The following RBFOX3 variants were observed in gnomAD, a reference collection of about 807,000 sequenced individuals.
The protein encoded by RBFOX3 is RNA binding protein fox-1 homolog 3.
RBFOX3 carries 17 observed loss-of-function variants against 48.7 expected under a neutral mutation model. That is an observed-to-expected ratio of 0.35 (90% confidence interval 0.24 to 0.52). The LOEUF is 0.52. Among genes scored for constraint, RBFOX3 ranks in the 20% least tolerant of loss-of-function variants. RBFOX3 has a pLI of 0.94. For synonymous variants in RBFOX3, 212 were observed against 209.5 expected, an observed-to-expected ratio of 1.01 and a Z score of -0.10; for missense variants, 382 against 497.5, an observed-to-expected ratio of 0.77 and a Z score of 2.21.
At chr17:79,415,850 AG>A (rs1329030224) in intron 2 of RBFOX3, among the ~76,000 whole-genome samples, 1 of 151,984 alleles carries the variant, frequency 6.6e-6, no homozygotes, top group African/African-American at 2.4e-5. Flanking sequence ...AGGAAGGGAG[AG>A]GGACTGCAGG....
the RBFOX3 span, among the ~76,000 whole-genome samples, chr17:79,647,021 TC>T: frequency 0.022 from 3,261 of 151,552 alleles, 114 homozygotes; most frequent in African/African-American, 0.076. Flanking sequence ...ACCCCACCTC[TC>T]CTCCTTGATT....
At chr17:79,412,078 G>A (rs1454143302) in intron 2 of RBFOX3, among the ~76,000 whole-genome samples, 1 of 152,128 alleles carries the variant, frequency 6.6e-6, no homozygotes, top group Non-Finnish European at 1.5e-5. Flanking sequence ...GTAGACGCAT[G>A]CGTGTATATA....
At chr17:79,115,375 C>T (rs1045914832) in intron 5 of RBFOX3, 119 bp downstream of exon 5, 23 of 555,410 alleles carry the variant, frequency 4.1e-5, no homozygotes, top group African/African-American at 4.1e-4. Flanking sequence ...CACACAGAGG[C>T]CCTGCCCAGG....
intron 4 of RBFOX3, among the ~76,000 whole-genome samples, chr17:79,144,361 G>A (rs1371220387): frequency 1.4e-5 from 2 of 144,392 alleles, no homozygotes; most frequent in African/African-American, 5.1e-5. Context: ...GGTGGGCAGA[G>A]TAGGCGGGAG....
intron 4 of RBFOX3, among the ~76,000 whole-genome samples, chr17:79,135,825 G>A (rs1215198670): frequency 6.6e-6 from 1 of 152,232 alleles, no homozygotes; most frequent in Non-Finnish European, 1.5e-5. Context: ...CAGGCTGGGG[G>A]ACACACGAGG....
the RBFOX3 span, among the ~76,000 whole-genome samples, chr17:79,646,239 C>A: frequency 6.6e-6 from 1 of 152,168 alleles, no homozygotes; most frequent in African/African-American, 2.4e-5. Flanking sequence ...GGTATTCTTG[C>A]AGAACAAGTT....
intron 4 of RBFOX3, among the ~76,000 whole-genome samples, chr17:79,171,494 G>A (rs1041853467): frequency 8.5e-5 from 13 of 152,198 alleles, no homozygotes; most frequent in African/African-American, 3.1e-4. Flanking sequence ...AAACAAATGA[G>A]CGTGGCTGTG....
chr17:79,467,700 C>T (rs1415291675), intron 2 of RBFOX3, among the ~76,000 whole-genome samples: 1 of 152,196 alleles, frequency 6.6e-6, no homozygotes, highest in South Asian at 2.1e-4. Context: ...GTCCCTGGAA[C>T]GTGTGCCCCA....
At chr17:79,518,688 G>A (rs940490861) in intron 1 of RBFOX3, among the ~76,000 whole-genome samples, 285 of 152,338 alleles carry the variant, frequency 1.9e-3, no homozygotes, top group South Asian at 7.2e-3. Flanking sequence ...CAGGCTCCCC[G>A]TGCAAAACCG....
intron 2 of RBFOX3, among the ~76,000 whole-genome samples, chr17:79,432,165 T>C (rs993622231): frequency 3.9e-5 from 6 of 152,254 alleles, no homozygotes; most frequent in Non-Finnish European, 7.3e-5. Flanking sequence ...TTCTCTGGCA[T>C]GGACAGACCA....
intron 1 of RBFOX3, among the ~76,000 whole-genome samples, chr17:79,483,196 A>G (rs1190022868): frequency 6.6e-6 from 1 of 151,974 alleles, no homozygotes; most frequent in African/African-American, 2.4e-5. Flanking sequence ...ACTTCCTAAG[A>G]AAATAACATA....
intron 4 of RBFOX3, among the ~76,000 whole-genome samples, chr17:79,138,785 CTTCACG>C (rs2041098275): frequency 3.4e-3 from 101 of 29,730 alleles, no homozygotes; most frequent in Middle Eastern, 0.045. Flanking sequence ...CAGCACATGC[CTTCACG>C]CCCCCTTACC....
chr17:79,621,866 C>A, the RBFOX3 span, among the ~76,000 whole-genome samples: 1 of 150,844 alleles, frequency 6.6e-6, no homozygotes, highest in Non-Finnish European at 1.5e-5. Flanking sequence ...TGTGAAGACA[C>A]ACACATCATA....
intron 1 of RBFOX3, among the ~76,000 whole-genome samples, chr17:79,534,553 T>C (rs1055534037): frequency 1.2e-4 from 19 of 152,198 alleles, no homozygotes; most frequent in African/African-American, 4.6e-4. Context: ...GCTGACATCC[T>C]TTCCAGTCCA....
At chr17:79,182,300 C>T (rs2612765) in intron 4 of RBFOX3, among the ~76,000 whole-genome samples, 63,078 of 152,006 alleles carry the variant, frequency 0.41, 14,009 homozygotes, top group Admixed American at 0.52. Context: ...AGGGTGGGAA[C>T]CGAAAACAAG....
intron 2 of RBFOX3, among the ~76,000 whole-genome samples, chr17:79,393,419 G>GC (rs1398582104): frequency 6.6e-6 from 1 of 152,254 alleles, no homozygotes; most frequent in Non-Finnish European, 1.5e-5. Context: ...CCAGTGAGCA[G>GC]CCGCAGGGAA....
intron 2 of RBFOX3, among the ~76,000 whole-genome samples, chr17:79,435,417 A>T (rs1195893815): frequency 1.3e-5 from 2 of 152,222 alleles, no homozygotes; most frequent in Admixed American, 1.3e-4. Context: ...GCTGATTCCA[A>T]CACAGGCTTG....
chr17:79,156,758 C>T (rs1329288775), intron 4 of RBFOX3, among the ~76,000 whole-genome samples: 6 of 152,166 alleles, frequency 3.9e-5, no homozygotes, highest in East Asian at 3.9e-4. Context: ...TGGCCTCGTA[C>T]GGACTGGGCT....
chr17:79,200,732 A>G (rs2056623965), intron 4 of RBFOX3, among the ~76,000 whole-genome samples: 1 of 152,194 alleles, frequency 6.6e-6, no homozygotes, highest in Non-Finnish European at 1.5e-5. Flanking sequence ...AGAACTTTGC[A>G]TGGAGGGTAC....
Sources: gnomAD v4.1 joint callset for allele counts (sites outside exome capture counted in the v4.1 genomes callset) on GRCh38, gnomAD v4.1.1 for gene constraint, MANE v1.5 for transcripts, NCBI Gene and HGNC (gene_info 2026-07-23, HGNC 2026-07-21) for gene names.